The following THSD4 variants were observed in gnomAD, a reference collection of about 807,000 sequenced individuals.
The protein encoded by THSD4 is thrombospondin type 1 domain containing 4.
In THSD4, 69 loss-of-function variants were observed where a neutral mutation model predicts 119.0. The observed-to-expected ratio is 0.58, with a 90% CI of 0.48 to 0.71. The LOEUF (loss-of-function observed/expected upper bound fraction) is 0.71, where lower values mean the gene tolerates loss of function less well. Ranked by LOEUF, THSD4 falls within the 30% of genes least tolerant of loss-of-function variation. THSD4 has a pLI of 0.00. For synonymous variants in THSD4, 524 were observed against 540.4 expected, an observed-to-expected ratio of 0.97 and a Z score of 0.42; for missense variants, 1,393 against 1,391.1, an observed-to-expected ratio of 1.00 and a Z score of -0.02.
chr15:71,422,953 T>C (rs961753563), intron 7 of THSD4, among the ~76,000 whole-genome samples: 7 of 151,930 alleles, frequency 4.6e-5, no homozygotes, highest in Admixed American at 2.6e-4. Context: ...GAGGAGTCTG[T>C]CCCCGTGGCC....
At chr15:71,683,839 G>A (rs956508891) in intron 8 of THSD4, among the ~76,000 whole-genome samples, 1 of 152,114 alleles carries the variant, frequency 6.6e-6, no homozygotes, top group Non-Finnish European at 1.5e-5. Context: ...GCTGGGCATG[G>A]TGGGAGGTGC....
intron 6 of THSD4, among the ~76,000 whole-genome samples, chr15:71,304,521 T>C (rs2044996425): frequency 6.6e-6 from 1 of 152,180 alleles, no homozygotes; most frequent in Non-Finnish European, 1.5e-5. Flanking sequence ...ATTTTCAGTC[T>C]TATTAAAATT....
intron 6 of THSD4, among the ~76,000 whole-genome samples, chr15:71,364,121 T>A (rs1866922): frequency 0.22 from 32,891 of 151,996 alleles, 4,261 homozygotes; most frequent in East Asian, 0.54. Context: ...AGTAACCTAG[T>A]TGAGGGCTGA....
chr15:71,537,415 T>C (rs2048701653), intron 7 of THSD4, among the ~76,000 whole-genome samples: 1 of 152,164 alleles, frequency 6.6e-6, no homozygotes, highest in African/African-American at 2.4e-5. Context: ...CATCTGATAC[T>C]GGGCTGGCTC....
chr15:71,530,002 A>AATG (rs2048584786), intron 7 of THSD4, among the ~76,000 whole-genome samples: 1 of 152,154 alleles, frequency 6.6e-6, no homozygotes, highest in Non-Finnish European at 1.5e-5. Context: ...CCCAACATGG[A>AATG]ATGGTGCTAG....
At chr15:71,662,685 C>T (rs1183169417) in intron 8 of THSD4, among the ~76,000 whole-genome samples, 1 of 152,036 alleles carries the variant, frequency 6.6e-6, no homozygotes, top group African/African-American at 2.4e-5. Flanking sequence ...TGAATATCTA[C>T]TGGATGTCTG....
intron 1 of THSD4, among the ~76,000 whole-genome samples, chr15:71,127,500 A>T (rs567957753): frequency 2.0e-5 from 3 of 152,374 alleles, no homozygotes; most frequent in East Asian, 3.9e-4. Flanking sequence ...ACAATTTTCC[A>T]TAATGGCTGT....
chr15:71,111,253 C>A (rs1444797865), upstream of THSD4: 1 of 1,613,846 alleles, frequency 6.2e-7, no homozygotes, highest in Non-Finnish European at 8.5e-7. Context: ...CCTGAAGACT[C>A]CCTGACACTT....
intron 8 of THSD4, among the ~76,000 whole-genome samples, chr15:71,665,950 T>A (rs1251998212): frequency 6.6e-6 from 1 of 152,218 alleles, no homozygotes; most frequent in Non-Finnish European, 1.5e-5. Context: ...GCTTCCAGCC[T>A]TGTTCTTTTT....
chr15:71,304,553 CTT>C (rs2140341426), intron 6 of THSD4, among the ~76,000 whole-genome samples: 1 of 152,230 alleles, frequency 6.6e-6, no homozygotes, highest in African/African-American at 2.4e-5. Flanking sequence ...TCTTTTCCTC[CTT>C]TCTTGTTTTT....
chr15:71,611,070 A>G (rs2050215414), intron 7 of THSD4, among the ~76,000 whole-genome samples: 1 of 152,240 alleles, frequency 6.6e-6, no homozygotes, highest in Admixed American at 6.5e-5. Context: ...AGCAATTTTT[A>G]AAGTGTTTTT....
At chr15:71,776,258 A>G (rs764559839) in intron 17 of THSD4, among the ~76,000 whole-genome samples, 5 of 152,364 alleles carry the variant, frequency 3.3e-5, no homozygotes, top group Non-Finnish European at 5.9e-5. Flanking sequence ...CTGTTTATCA[A>G]TCAACACCAG....
chr15:71,628,606 AG>A (rs1200870980), intron 7 of THSD4, among the ~76,000 whole-genome samples: 1 of 152,186 alleles, frequency 6.6e-6, no homozygotes, highest in Non-Finnish European at 1.5e-5. Flanking sequence ...GTGAAGCCTG[AG>A]GTTCTGCATT....
chr15:71,321,192 C>T (rs1420530087), intron 6 of THSD4, among the ~76,000 whole-genome samples: 1 of 152,074 alleles, frequency 6.6e-6, no homozygotes, highest in African/African-American at 2.4e-5. Context: ...CTGAAATAAC[C>T]AGAGCTGGAC....
At chr15:71,585,505 T>A (rs1424957511) in intron 7 of THSD4, among the ~76,000 whole-genome samples, 1 of 152,194 alleles carries the variant, frequency 6.6e-6, no homozygotes, top group Non-Finnish European at 1.5e-5. Context: ...CATTGAAAAT[T>A]CTCTCTTTGT....
chr15:71,162,889 T>C (rs1219989044), intron 3 of THSD4, among the ~76,000 whole-genome samples: 1 of 152,038 alleles, frequency 6.6e-6, no homozygotes, highest in East Asian at 1.9e-4. Flanking sequence ...AGAAATTCTT[T>C]CTTCTGCTTG....
chr15:71,741,684 TAC>T (rs56080459), intron 11 of THSD4, among the ~76,000 whole-genome samples: 8,438 of 145,624 alleles, frequency 0.058, 466 homozygotes, highest in African/African-American at 0.15. Flanking sequence ...TGTGTGCATG[TAC>T]ACACACACAC....
intron 6 of THSD4, among the ~76,000 whole-genome samples, chr15:71,306,827 C>A (rs1470071383): frequency 3.9e-5 from 6 of 152,176 alleles, no homozygotes; most frequent in Non-Finnish European, 8.8e-5. Context: ...ATATTATAGA[C>A]CCCTGTATGA....
At chr15:71,366,003 G>C (rs942981110) in intron 6 of THSD4, among the ~76,000 whole-genome samples, 1 of 152,138 alleles carries the variant, frequency 6.6e-6, no homozygotes, top group Non-Finnish European at 1.5e-5. Flanking sequence ...GTGAGAAGAG[G>C]TGGAGGTTCC....
Sources: gnomAD v4.1 joint callset for allele counts (sites outside exome capture counted in the v4.1 genomes callset) on GRCh38, gnomAD v4.1.1 for gene constraint, MANE v1.5 for transcripts, NCBI Gene and HGNC (gene_info 2026-07-23, HGNC 2026-07-21) for gene names.